The following KCTD2 variants were observed in gnomAD, a reference collection of about 807,000 sequenced individuals.
KCTD2 encodes the protein BTB/POZ domain-containing protein KCTD2.
KCTD2 carries 18 observed loss-of-function variants against 27.9 expected under a neutral mutation model. The ratio of observed to expected loss-of-function variants is 0.64; its 90% CI spans 0.45 to 0.96. The LOEUF (loss-of-function observed/expected upper bound fraction) is 0.96. Among genes scored for constraint, KCTD2 ranks in the 40% least tolerant of loss-of-function variants. KCTD2 has a pLI of 0.00. For synonymous variants in KCTD2, 175 were observed against 148.4 expected, an observed-to-expected ratio of 1.18 and a Z score of -1.30; for missense variants, 280 against 348.0, an observed-to-expected ratio of 0.80 and a Z score of 1.56.
intron 3 of KCTD2, chr17:75,035,501 C>G (rs2040107645): frequency 6.6e-6 from 1 of 152,278 alleles, no homozygotes; most frequent in South Asian, 2.0e-4. Flanking sequence ...TTCAGTCTAT[C>G]GTTATGAAGT....
At chr17:75,040,690 A>C (rs2073150308) in intron 3 of KCTD2, 1 of 153,816 alleles carries the variant, frequency 6.5e-6, no homozygotes, top group African/African-American at 2.4e-5. Flanking sequence ...GTTCGAGACC[A>C]GCCTGACCAA....
chr17:75,039,305 C>T, intron 3 of KCTD2: 1 of 1,599,058 alleles, frequency 6.3e-7, no homozygotes, highest in East Asian at 2.2e-5. Context: ...GTTCTGAAAC[C>T]AGGCTGCATT....
At chr17:75,058,022 A>G (rs1799426203) in intron 3 of KCTD2, among the ~76,000 whole-genome samples, 2 of 151,862 alleles carry the variant, frequency 1.3e-5, no homozygotes, top group Non-Finnish European at 2.9e-5. Flanking sequence ...TCCCGTCTCC[A>G]CTAAAAATCC....
chr17:75,061,401 T>G (rs1211155529), intron 4 of KCTD2, among the ~76,000 whole-genome samples: 1 of 152,164 alleles, frequency 6.6e-6, no homozygotes, highest in Non-Finnish European at 1.5e-5. Context: ...TCTCGGCACT[T>G]TGGGAGGCCA....
chr17:75,053,133 G>A (rs60660596), intron 3 of KCTD2, 28 bp downstream of exon 3: 132,135 of 1,544,198 alleles, frequency 0.086, 13,976 homozygotes, highest in East Asian at 0.64. Context: ...GTTAAGGAGG[G>A]TTGTTTCAAG....
chr17:75,048,667 G>A (rs906562265), intron 1 of KCTD2, among the ~76,000 whole-genome samples: 3 of 152,152 alleles, frequency 2.0e-5, no homozygotes, highest in Non-Finnish European at 2.9e-5. Flanking sequence ...CCAAGTCCTG[G>A]CAGTACCGAG....
In KCTD2 at chr17:75,049,096, C is replaced by CT. The variant is rs2144925653; in HGVS notation, c.340-118dup. On this transcript the variant is annotated intron_variant, in intron 1 of 5. Coordinates refer to ENST00000322444, the MANE Select transcript of KCTD2 (RefSeq NM_015353.3). ...TAACAAAATTTGCCATCACTAAAGT[C>CT]TTTTTTAGCTGATGGAATGAATTGT... is the stretch of plus-strand genomic sequence containing the variant. The CT allele has an allele frequency of 6.8e-6, 4 of 590,722 alleles. No individual in the cohort carries two copies. The East Asian group carries it at 8.4e-5, about 12-fold the overall frequency. 36.6% of individuals were successfully genotyped at this position (590,722 alleles called of 1,614,324 possible).
upstream of KCTD2, chr17:75,046,968 G>A (rs934016195): frequency 4.5e-5 from 8 of 177,994 alleles, no homozygotes; most frequent in East Asian, 1.1e-3. Flanking sequence ...AGCAAGTAAC[G>A]GAAGTGGGTC....
In KCTD2 at chr17:75,059,478, T is replaced by C. The variant is rs770996693; in HGVS notation, c.541-32T>C. On this transcript the variant is annotated intron_variant, in intron 3 of 5. Transcript: ENST00000322444. ...CAGCTGCAAACTGTGGTGTCCTTGG[T>C]GCTGTTCTCAGTCTGCGCCTGGTCA... 4.6e-5 allele frequency: 71 copies of C among 1,527,340 alleles called. 1 individual carries two copies. The highest frequency in any genetic ancestry group is 3.4e-4 in the Middle Eastern group (2 of 5,840). 94.6% of individuals were successfully genotyped at this position (1,527,340 alleles called of 1,614,324 possible).
intron 3 of KCTD2, chr17:75,042,031 T>C: frequency 1.6e-6 from 1 of 635,132 alleles, no homozygotes; most frequent in Admixed American, 3.1e-5. Context: ...TATTTACAGT[T>C]CAATCGACCA....
At chr17:75,058,007 C>T (rs1180890332) in intron 3 of KCTD2, among the ~76,000 whole-genome samples, 1 of 151,206 alleles carries the variant, frequency 6.6e-6, no homozygotes, top group Admixed American at 6.6e-5. Context: ...GCCAACATGG[C>T]GAAATCCCGT....
chr17:75,059,503 A>T lies in KCTD2; in HGVS notation c.541-7A>T. The T allele has an allele frequency of 6.2e-7, 1 of 1,608,814 alleles. No individual in the cohort carries two copies. Among genetic ancestry groups the T allele is most frequent in the African/African-American group, 1.3e-5 (1 of 74,912 alleles). On this transcript the variant is annotated splice_region_variant and splice_polypyrimidine_tract_variant and intron_variant, in intron 3 of 5. Coordinates refer to ENST00000322444, the MANE Select transcript of KCTD2 (RefSeq NM_015353.3). ...TGCTGTTCTCAGTCTGCGCCTGGTC[A>T]TTGCAGGGCCCCGTGAAGCACGTGT...
chr17:75,042,074 C>T, intron 3 of KCTD2: 1 of 981,472 alleles, frequency 1.0e-6, no homozygotes, highest in African/African-American at 1.6e-5. Flanking sequence ...CCTTCCTAAG[C>T]TTCCTTAGGG....
upstream of KCTD2, among the ~76,000 whole-genome samples, chr17:75,045,554 G>T (rs1312405679): frequency 6.6e-6 from 1 of 152,200 alleles, no homozygotes; most frequent in Non-Finnish European, 1.5e-5. Context: ...CTTTCTCAGG[G>T]ATATCCCATG....
chr17:75,055,669 A>C (rs1240861185), intron 3 of KCTD2, among the ~76,000 whole-genome samples: 3 of 152,092 alleles, frequency 2.0e-5, no homozygotes, highest in Non-Finnish European at 4.4e-5. Flanking sequence ...CCCTGTCTCT[A>C]CTAAAAATAC....
chr17:75,036,642 A>G (rs1162115645), intron 3 of KCTD2, among the ~76,000 whole-genome samples: 1 of 152,226 alleles, frequency 6.6e-6, no homozygotes, highest in Non-Finnish European at 1.5e-5. Context: ...CACGGGGCTC[A>G]GCGGTGCTCT....
chr17:75,044,128 G>GCTAACC (rs1382675485), upstream of KCTD2, among the ~76,000 whole-genome samples: 58 of 149,144 alleles, frequency 3.9e-4, no homozygotes, highest in Non-Finnish European at 5.9e-5. Flanking sequence ...AGGCTCAAGC[G>GCTAACC]ATTCTCCTGC....
At chr17:75,062,994 C>G (rs201925883) in intron 5 of KCTD2, 24 bp from the exon 6 acceptor site, 99 of 1,613,624 alleles carry the variant, frequency 6.1e-5, no homozygotes, top group Non-Finnish European at 8.1e-5. Flanking sequence ...CAGCCTCAGC[C>G]TCTCCCCCAT....
At chr17:75,053,164 T>C in intron 3 of KCTD2, 59 bp downstream of exon 3, 2 of 1,364,392 alleles carry the variant, frequency 1.5e-6, no homozygotes, top group South Asian at 1.2e-5. Flanking sequence ...TCGGTCGGTC[T>C]GTGATTTGAA....
Sources: gnomAD v4.1 joint callset for allele counts (sites outside exome capture counted in the v4.1 genomes callset) on GRCh38, gnomAD v4.1.1 for gene constraint, MANE v1.5 for transcripts, NCBI Gene and HGNC (gene_info 2026-07-23, HGNC 2026-07-21) for gene names.